The following TMEM259 variants were observed in gnomAD, a reference collection of about 807,000 sequenced individuals.
TMEM259 encodes transmembrane protein 259.
TMEM259 carries 26 observed loss-of-function variants against 46.7 expected under a neutral mutation model. That is an observed-to-expected ratio of 0.56 (90% CI 0.41 to 0.77). The LOEUF (loss-of-function observed/expected upper bound fraction) is 0.77, where lower values mean the gene tolerates loss of function less well. TMEM259 is among the 30% of genes least tolerant of loss of function. TMEM259 has a pLI of 0.00. For synonymous variants in TMEM259, 494 were observed against 395.1 expected, an observed-to-expected ratio of 1.25 and a Z score of -2.97; for missense variants, 930 against 900.5, an observed-to-expected ratio of 1.03 and a Z score of -0.42.
At chr19:1,019,360 C>T (rs906087158) in intron 1 of TMEM259, among the ~76,000 whole-genome samples, 1 of 152,232 alleles carries the variant, frequency 6.6e-6, no homozygotes, top group Non-Finnish European at 1.5e-5. Flanking sequence ...GAAGGAAAAC[C>T]CACGTCCACA....
chr19:1,016,850 C>A (rs113356551), intron 1 of TMEM259, among the ~76,000 whole-genome samples: 4,689 of 152,222 alleles, frequency 0.031, 89 homozygotes, highest in South Asian at 0.062. Flanking sequence ...GTGAGTGACC[C>A]GTCCCATGAA....
intron 1 of TMEM259, among the ~76,000 whole-genome samples, chr19:1,018,935 C>A (rs919105890): frequency 1.3e-4 from 19 of 151,320 alleles, no homozygotes; most frequent in Middle Eastern, 3.4e-3. Flanking sequence ...TTGCAGTGAG[C>A]CGAGATCAAA....
In TMEM259 at chr19:1,020,765, C is replaced by T. The variant is rs2144592452; in HGVS notation, c.225+7G>A. ...GGTCAAGGGTCGGGGGTCGGGGCCGCGGTCACCTTGAGCAGCACGAAGAAC... is the reference window on the plus strand; with the variant it reads ...GGTCAAGGGTCGGGGGTCGGGGCCGTGGTCACCTTGAGCAGCACGAAGAAC... On this transcript the variant is annotated splice_region_variant and intron_variant, in intron 1 of 10. Transcript: ENST00000356663. This position sits in a 1 kb window ranked among gnomAD's most constrained non-coding sequence, Gnocchi z 4.0. The T allele has an allele frequency of 1.5e-6, 2 of 1,317,194 alleles. No individual in the cohort carries two copies. Among genetic ancestry groups the T allele is most frequent in the South Asian group, 2.3e-5 (1 of 43,250 alleles). The allele number at this position is 1,317,194 out of a possible 1,614,324, so 81.6% of individuals were successfully genotyped here.
At position 1,021,104 on chromosome 19, in the gene TMEM259, C is replaced by T; in HGVS notation, c.-108G>A. 1 of 1,152,944 alleles carries T rather than the reference C, an allele frequency of 8.7e-7. No individual in the cohort carries two copies. The highest frequency in any genetic ancestry group is 1.1e-6 in the Non-Finnish European group (1 of 915,746). The allele number at this position is 1,152,944 out of a possible 1,614,324, so 71.4% of individuals were successfully genotyped here. ...TCTCCTCACGGCCTCCCGGCCGCCG[C>T]CGCCATCTTCCGCTTTCTCGTCCGG... On this transcript the variant is annotated 5_prime_UTR_variant, in exon 1 of 11. Coordinates refer to ENST00000356663, the MANE Select transcript of TMEM259 (RefSeq NM_001033026.2).
At chr19:1,019,254 T>TGA (rs1411187102) in intron 1 of TMEM259, among the ~76,000 whole-genome samples, 1 of 152,198 alleles carries the variant, frequency 6.6e-6, no homozygotes, top group Non-Finnish European at 1.5e-5. Context: ...CCAAGGAGGC[T>TGA]GAGCTCCGTC....
intron 3 of TMEM259, 136 bp from the exon 4 acceptor site, chr19:1,012,709 C>CCA: frequency 8.4e-7 from 1 of 1,195,770 alleles, no homozygotes; most frequent in Non-Finnish European, 1.2e-6. Context: ...CTGGGAGGAC[C>CCA]CCTACATGGA....
Position 1,010,399 on chromosome 19 carries a change from C to T in TMEM259, c.1814G>A (p.Ser605Asn). Residue 605 changes from serine to asparagine, a missense_variant, in exon 11 of 11, where the codon AGC becomes AAC. Ser to Asn is a conservative substitution (Grantham distance 46, BLOSUM62 1). Coordinates refer to ENST00000356663, the MANE Select transcript of TMEM259 (RefSeq NM_001033026.2). ...TPLGAAVGGP[S>N]PASMAPTEAP... ...CTCCGTTGGGGCCATGGAGGCCGGG[C>T]TAGGCCCGCCTACCGCAGCCCCCAG... The T allele has an allele frequency of 6.6e-7, 1 of 1,514,848 alleles. No individual in the cohort carries two copies. The highest frequency in any genetic ancestry group is 8.8e-7 in the Non-Finnish European group (1 of 1,137,080). The allele number at this position is 1,514,848 out of a possible 1,614,324, so 93.8% of individuals were successfully genotyped here.
At position 1,012,130 on chromosome 19, in the gene TMEM259, G is replaced by A. The variant is rs557204155; in HGVS notation, c.777C>T (p.Phe259=). 2 of 1,610,250 alleles carry A rather than the reference G, an allele frequency of 1.2e-6. No homozygotes were observed. The highest frequency in any genetic ancestry group is 1.7e-5 in the Admixed American group (1 of 59,714). The change falls in exon 5 of 11, where the codon TTC becomes TTT. Residue 259 remains phenylalanine (F), a synonymous_variant. Coordinates refer to ENST00000356663, the MANE Select transcript of TMEM259 (RefSeq NM_001033026.2). ...ACATGAGGATGTCATCGTAGCCCAGGAACTCATCCAGCAGCAGGCGGCTGA... is the reference window on the plus strand; with the variant it reads ...ACATGAGGATGTCATCGTAGCCCAGAAACTCATCCAGCAGCAGGCGGCTGA... ...DRFSRLLLDE[F]LGYDDILMSS...
intron 2 of TMEM259, chr19:1,013,740 G>A (rs2039014316): frequency 7.1e-6 from 2 of 282,170 alleles, no homozygotes; most frequent in Admixed American, 9.7e-5. Context: ...ACAGCCACCT[G>A]GTCCCACCAG....
At chr19:1,014,797 G>C (rs557165120) in intron 1 of TMEM259, among the ~76,000 whole-genome samples, 91 of 152,328 alleles carry the variant, frequency 6.0e-4, no homozygotes, top group Middle Eastern at 3.4e-3. Flanking sequence ...CTCCTCAGGG[G>C]TGAGCCGGAC....
intron 2 of TMEM259, 107 bp from the exon 3 acceptor site, chr19:1,013,447 C>T: frequency 8.6e-7 from 1 of 1,162,658 alleles, no homozygotes; most frequent in Non-Finnish European, 1.2e-6. Flanking sequence ...GCCTCAGCCT[C>T]TGCCCCACCA....
chr19:1,013,470 G>A, intron 2 of TMEM259, 130 bp from the exon 3 acceptor site: 1 of 875,492 alleles, frequency 1.1e-6, no homozygotes, highest in Non-Finnish European at 1.8e-6. Context: ...GACCAGGCCA[G>A]GGTGGACTAC....
rs372803823 is a variant in TMEM259 at position 1,012,046 on chromosome 19, G to T, written c.841+20C>A. On this transcript the variant is annotated intron_variant, in intron 5 of 10. Transcript: ENST00000356663. The stretch of plus-strand genomic sequence containing the variant: ...CCCCCACCCGCGCCCTCGCACCCTC[G>T]GCCCCGGGGCATGCCTCACCCTTGT... The T allele has an allele frequency of 3.0e-5, 48 of 1,611,886 alleles. 1 individual carries two copies. Among genetic ancestry groups the T allele is most frequent in the Non-Finnish European group, 3.8e-5 (45 of 1,179,382 alleles).
chr19:1,011,733 A>T lies in TMEM259; in HGVS notation c.1000+8T>A. The T allele has an allele frequency of 6.5e-7, 1 of 1,541,812 alleles. No individual in the cohort carries two copies. The highest frequency in any genetic ancestry group is 8.8e-7 in the Non-Finnish European group (1 of 1,142,108). On this transcript the variant is annotated splice_region_variant and intron_variant, in intron 7 of 10. Coordinates refer to ENST00000356663, the MANE Select transcript of TMEM259 (RefSeq NM_001033026.2). ...GCCCGCCCCGCCCTGCGCCGGCGGG[A>T]CACTCACCGATGAAGACGAAGATCT...
chr19:1,012,702 G>A lies in TMEM259; in HGVS notation c.608-129C>T, dbSNP rs539800238. On this transcript the variant is annotated intron_variant, in intron 3 of 10. Coordinates refer to ENST00000356663, the MANE Select transcript of TMEM259 (RefSeq NM_001033026.2). The stretch of plus-strand genomic sequence containing the variant: ...AGCCCTGGGCCCCAGGTGGGTGCTG[G>A]GAGGACCCCTACATGGACACTTGGG... 90 of 1,260,292 alleles carry A rather than the reference G, an allele frequency of 7.1e-5. No individual in the cohort carries two copies. In the African/African-American group the frequency reaches 1.2e-3, roughly 17 times the overall value. 78.1% of individuals were successfully genotyped at this position (1,260,292 alleles called of 1,614,324 possible).
At position 1,011,727 on chromosome 19, in the gene TMEM259, G is replaced by T; in HGVS notation, c.1000+14C>A. 14 of 1,538,400 alleles carry T rather than the reference G, an allele frequency of 9.1e-6. No individual in the cohort carries two copies. Among genetic ancestry groups the T allele is most frequent in the Non-Finnish European group, 1.2e-5 (14 of 1,140,354 alleles). ...GAGGACGCCCGCCCCGCCCTGCGCCGGCGGGACACTCACCGATGAAGACGA... is the reference window on the plus strand; with the variant it reads ...GAGGACGCCCGCCCCGCCCTGCGCCTGCGGGACACTCACCGATGAAGACGA... On this transcript the variant is annotated intron_variant, in intron 7 of 10. Coordinates refer to ENST00000356663, the MANE Select transcript of TMEM259 (RefSeq NM_001033026.2).
chr19:1,014,302 C>T lies in TMEM259; in HGVS notation c.397G>A (p.Gly133Ser), dbSNP rs201250012. 9.3e-6 allele frequency: 15 copies of T among 1,613,036 alleles called. No homozygotes were observed. In the East Asian group the frequency reaches 1.1e-4, roughly 12 times the overall value. ...GCCAGGCCCGGGAAGCTCCCGCGGC[C>T]GCCGCTGTCACAGAACTGTAGGAAG... ...PVFLQFCDSG[G>S]RGSFPGLAVE... is the part of the protein sequence containing the mutation. The change falls in exon 2 of 11, where the codon GGC (glycine) becomes AGC (serine). Residue 133 changes from glycine (G) to serine (S), a missense_variant. Transcript: ENST00000356663.
rs772542168 is a variant in TMEM259, at chr19:1,012,512, C to T, written c.669G>A (p.Ser223=). ...YSLEYGFLRL[S]QATRQRLSIP... ...TGCTCAGGCGCTGGCGGGTGGCCTGCGACAGGCGAAGGAAGCCATACTCTA... is the reference window on the plus strand; with the variant it reads ...TGCTCAGGCGCTGGCGGGTGGCCTGTGACAGGCGAAGGAAGCCATACTCTA... The change falls in exon 4 of 11, where the codon TCG becomes TCA. Residue 223 remains serine (S), a synonymous_variant. Coordinates refer to ENST00000356663, the MANE Select transcript of TMEM259 (RefSeq NM_001033026.2). 6.2e-6 allele frequency: 10 copies of T among 1,600,712 alleles called. No homozygotes were observed. The highest frequency in any genetic ancestry group is 1.6e-4 in the Middle Eastern group (1 of 6,068).
In TMEM259 at chr19:1,020,668, C is replaced by A. The variant is rs763315012; in HGVS notation, c.225+104G>T. 1.2e-6 allele frequency: 1 copy of A among 821,096 alleles called. No homozygotes were observed. The highest frequency in any genetic ancestry group is 1.8e-5 in the African/African-American group (1 of 55,950). 50.9% of individuals were successfully genotyped at this position (821,096 alleles called of 1,614,324 possible). ...GTATAGGCCTCAGGGTGCAGGGTGGCGCTCGCTGTCCCCAGCGGGGCCAGG... is the reference window on the plus strand; with the variant it reads ...GTATAGGCCTCAGGGTGCAGGGTGGAGCTCGCTGTCCCCAGCGGGGCCAGG... On this transcript the variant is annotated intron_variant, in intron 1 of 10. Transcript: ENST00000356663. The surrounding 1 kb of genome is among the most constrained non-coding windows in gnomAD (Gnocchi z 4.0).
Sources: gnomAD v4.1 joint callset for allele counts (sites outside exome capture counted in the v4.1 genomes callset) on GRCh38, gnomAD v4.1.1 for gene constraint, Gnocchi (gnomAD v3.1) non-coding constraint, MANE v1.5 for transcripts, NCBI Gene and HGNC (gene_info 2026-07-23, HGNC 2026-07-21) for gene names.